TRPC4: variants seen among roughly 807,000 people sequenced by gnomAD.
TRPC4 encodes transient receptor potential cation channel subfamily C member 4, also known as short transient receptor potential channel 4.
A neutral mutation model predicts 99.4 loss-of-function variants in TRPC4; 49 were observed. That is an observed-to-expected ratio of 0.49 (90% CI 0.39 to 0.63). TRPC4 has a LOEUF of 0.63. Among genes scored for constraint, TRPC4 ranks in the 20% least tolerant of loss-of-function variants. The pLI, the probability that TRPC4 is intolerant of heterozygous loss-of-function variation, is 0.00. For synonymous variants in TRPC4, 454 were observed against 425.9 expected (o/e 1.07, Z -0.81); for missense variants, 898 against 1,152.9 (o/e 0.78, Z 3.20).
chr13:37,745,462 A>ACACACACACT (rs1955727382), intron 3 of TRPC4, among the ~76,000 whole-genome samples: 1 of 4,332 alleles, frequency 2.3e-4, no homozygotes, highest in Non-Finnish European at 8.1e-4. Flanking sequence ...ATATATATAT[A>ACACACACACT]TATATATATA....
chr13:37,798,504 T>A (rs1215940193), intron 1 of TRPC4, among the ~76,000 whole-genome samples: 2 of 152,164 alleles, frequency 1.3e-5, no homozygotes, highest in African/African-American at 4.8e-5. Context: ...CAAGTGAGTT[T>A]TCCAGTTTCC....
At chr13:37,650,303 C>T (rs1951997598) in intron 8 of TRPC4, among the ~76,000 whole-genome samples, 1 of 152,152 alleles carries the variant, frequency 6.6e-6, no homozygotes, top group African/African-American at 2.4e-5. Flanking sequence ...AGCAATTTTA[C>T]TGAGAAGATC....
intron 1 of TRPC4, among the ~76,000 whole-genome samples, chr13:37,863,059 G>A (rs1046299358): frequency 1.3e-5 from 2 of 151,516 alleles, no homozygotes; most frequent in Non-Finnish European, 3.0e-5. Context: ...TAGCCTAGGA[G>A]AAATAGGCTA....
intron 2 of TRPC4, among the ~76,000 whole-genome samples, chr13:37,747,741 A>G (rs916551321): frequency 1.1e-4 from 16 of 152,308 alleles, no homozygotes; most frequent in African/African-American, 3.6e-4. Flanking sequence ...ACTAAAGATA[A>G]TAGGAATGAA....
intron 2 of TRPC4, among the ~76,000 whole-genome samples, chr13:37,757,819 G>T (rs75603716): frequency 6.6e-6 from 1 of 151,870 alleles, no homozygotes; most frequent in Non-Finnish European, 1.5e-5. Context: ...CAAATGATGA[G>T]TCTGTGCACT....
At chr13:37,673,188 A>C (rs927060945) in intron 5 of TRPC4, among the ~76,000 whole-genome samples, 1 of 147,738 alleles carries the variant, frequency 6.8e-6, no homozygotes, top group East Asian at 2.0e-4. Flanking sequence ...GAGTGAGAAC[A>C]TGCGGTGTTT....
In TRPC4 at chr13:37,651,381, T is replaced by C; in HGVS notation, c.1963A>G (p.Thr655Ala). The stretch of plus-strand genomic sequence containing the variant: ...GGGCTCGGGATGACATTGAAGGGAG[T>C]AGGCAGAGTACCTCCTTCTTCAAAA... ...SYFEEGGTLP[T>A]PFNVIPSPKS... The change falls in exon 8 of 11, where the codon ACT (threonine) becomes GCT (alanine). Residue 655 changes from threonine to alanine, a missense_variant. This residue lies in a region of TRPC4 where 274 missense variants were observed against 454.9 expected (regional missense o/e 0.60). Coordinates refer to ENST00000379705, the MANE Select transcript of TRPC4 (RefSeq NM_016179.4). 6.2e-7 allele frequency: 1 copy of C among 1,613,920 alleles called. No individual in the cohort carries two copies. The highest frequency in any genetic ancestry group is 8.5e-7 in the Non-Finnish European group (1 of 1,179,926).
At chr13:37,843,225 G>A (rs943716596) in intron 1 of TRPC4, among the ~76,000 whole-genome samples, 5 of 152,058 alleles carry the variant, frequency 3.3e-5, no homozygotes, top group Admixed American at 3.3e-4. Context: ...TTTTATGAGG[G>A]TAATAATATA....
intron 1 of TRPC4, among the ~76,000 whole-genome samples, chr13:37,854,400 C>T (rs1959132449): frequency 6.6e-6 from 1 of 152,046 alleles, no homozygotes; most frequent in Admixed American, 6.5e-5. Context: ...TTCATCAATA[C>T]CAGACCTGTT....
At chr13:37,830,708 G>A (rs1313276978) in intron 1 of TRPC4, among the ~76,000 whole-genome samples, 2 of 146,558 alleles carry the variant, frequency 1.4e-5, no homozygotes, top group African/African-American at 5.0e-5. Flanking sequence ...GCGAAATTCC[G>A]TTTTAAAAAA....
chr13:37,730,113 C>T (rs1358499584), intron 3 of TRPC4, among the ~76,000 whole-genome samples: 1 of 151,946 alleles, frequency 6.6e-6, no homozygotes, highest in East Asian at 1.9e-4. Flanking sequence ...ATTCAGGTTT[C>T]CAGCGAAAAC....
chr13:37,735,470 G>C (rs988337656), intron 3 of TRPC4, among the ~76,000 whole-genome samples: 4 of 152,134 alleles, frequency 2.6e-5, no homozygotes, highest in African/African-American at 9.7e-5. Flanking sequence ...AATGGCCTAA[G>C]AGAAAATAAC....
intron 2 of TRPC4, among the ~76,000 whole-genome samples, chr13:37,761,034 T>A (rs1956208644): frequency 6.6e-6 from 1 of 151,978 alleles, no homozygotes; most frequent in Non-Finnish European, 1.5e-5. Flanking sequence ...TACAATCCTA[T>A]GATTGAATGA....
intron 1 of TRPC4, among the ~76,000 whole-genome samples, chr13:37,842,677 T>A (rs553004170): frequency 6.6e-6 from 1 of 152,174 alleles, no homozygotes; most frequent in African/African-American, 2.4e-5. Flanking sequence ...AGGGAACTTT[T>A]GTAATGGCAC....
rs1022559577 is a variant in TRPC4 at position 37,636,512 on chromosome 13, A to G, written c.*391T>C. 3 of 156,452 alleles carry G rather than the reference A, an allele frequency of 1.9e-5. No homozygotes were observed. Among genetic ancestry groups the G allele is most frequent in the African/African-American group, 7.2e-5 (3 of 41,558 alleles). The allele number at this position is 156,452 out of a possible 1,614,324, so 9.7% of individuals were successfully genotyped here. A position where few individuals can be genotyped will look rare whatever the true frequency, so the allele number is the denominator to read the frequency against. ...TCTAAAGACCCTAAAAAATTATGAA[A>G]AGCTATAATATTTCAGCCACATTGG... On this transcript the variant is annotated 3_prime_UTR_variant, in exon 11 of 11. Transcript: ENST00000379705.
At chr13:37,765,878 T>G (rs1423210717) in intron 2 of TRPC4, among the ~76,000 whole-genome samples, 1 of 151,516 alleles carries the variant, frequency 6.6e-6, no homozygotes, top group Admixed American at 6.6e-5. Flanking sequence ...TTGATGTTTT[T>G]TTAAATGCAC....
rs561408785 is a variant in TRPC4 at position 37,760,762 on chromosome 13, T to C, written c.379-14307A>G. Among the ~76,000 whole-genome samples, 198 of 152,096 alleles carry C rather than the reference T, an allele frequency of 1.3e-3. 2 individuals are homozygous for C. The Middle Eastern group carries it at 0.017, about 13-fold the overall frequency. ...CTATTGTGAGTGTTAGTGTATTTTATATGTGGCCCAAGACATTCTTCTTCC... is the reference window on the plus strand; with the variant it reads ...CTATTGTGAGTGTTAGTGTATTTTACATGTGGCCCAAGACATTCTTCTTCC... On this transcript the variant is annotated intron_variant, in intron 2 of 10. Transcript: ENST00000379705.
At chr13:37,739,236 G>C (rs1036196778) in intron 3 of TRPC4, among the ~76,000 whole-genome samples, 2 of 152,136 alleles carry the variant, frequency 1.3e-5, no homozygotes, top group Non-Finnish European at 1.5e-5. Context: ...TGGAGGACAT[G>C]AATCTTTTCA....
chr13:37,846,791 A>T (rs956398029), intron 1 of TRPC4, among the ~76,000 whole-genome samples: 1 of 152,120 alleles, frequency 6.6e-6, no homozygotes, highest in Non-Finnish European at 1.5e-5. Context: ...AAAAAACAAG[A>T]TCCAACCATA....
Sources: gnomAD v4.1 joint callset for allele counts (sites outside exome capture counted in the v4.1 genomes callset) on GRCh38, gnomAD v4.1.1 for gene constraint, gnomAD v4.1.1 regional missense constraint, MANE v1.5 for transcripts, NCBI Gene and HGNC (gene_info 2026-07-23, HGNC 2026-07-21) for gene names.